Variants in MICU1 observed in about 807,000 individuals in gnomAD.
The protein encoded by MICU1 is calcium uptake protein 1, mitochondrial.
Under a neutral mutation model 56.8 loss-of-function variants are expected in MICU1, and 45 were observed. That is an observed-to-expected ratio of 0.79 (90% CI 0.62 to 1.02). The LOEUF (loss-of-function observed/expected upper bound fraction) is 1.02. MICU1 is among the 50% of genes least tolerant of loss of function. MICU1 has a pLI of 0.00. For missense variants in MICU1, 504 were observed against 587.1 expected, an observed-to-expected ratio of 0.86 and a Z score of 1.46; for synonymous variants, 186 against 195.1, an observed-to-expected ratio of 0.95 and a Z score of 0.39.
intron 8 of MICU1, among the ~76,000 whole-genome samples, chr10:72,473,730 G>A (rs953241809): frequency 3.3e-5 from 5 of 152,180 alleles, no homozygotes; most frequent in South Asian, 2.1e-4. Flanking sequence ...ATTTGTTCCC[G>A]CTCATCAGTG....
chr10:72,550,319 G>A lies in MICU1; in HGVS notation c.493+860C>T, dbSNP rs116023665. Reference sequence around the variant, plus strand: ...CAGTAACATGCCATACAGGTTTATAGTCTAGGAACAATAGGCTATACTATA... The same window carrying A: ...CAGTAACATGCCATACAGGTTTATAATCTAGGAACAATAGGCTATACTATA... On this transcript the variant is annotated intron_variant, in intron 4 of 11. Transcript: ENST00000361114. Among the ~76,000 whole-genome samples, 398 of 152,222 alleles carry A rather than the reference G, an allele frequency of 2.6e-3. 2 individuals carry two copies. The highest frequency in any genetic ancestry group is 9.0e-3 in the African/African-American group (375 of 41,518).
intron 10 of MICU1, among the ~76,000 whole-genome samples, 169 bp from the exon 11 acceptor site, chr10:72,376,041 A>G (rs1862508016): frequency 1.3e-5 from 2 of 152,218 alleles, no homozygotes; most frequent in Admixed American, 1.3e-4. Context: ...CTGTAATTCC[A>G]GCACTTTGGG....
At chr10:72,377,037 C>T (rs1318844153) in intron 10 of MICU1, among the ~76,000 whole-genome samples, 1 of 152,126 alleles carries the variant, frequency 6.6e-6, no homozygotes, top group Non-Finnish European at 1.5e-5. Context: ...TGTCCCTCCT[C>T]CCTACTGGTT....
chr10:72,520,507 T>C (rs1358698385), intron 5 of MICU1, among the ~76,000 whole-genome samples: 1 of 152,140 alleles, frequency 6.6e-6, no homozygotes, highest in Non-Finnish European at 1.5e-5. Flanking sequence ...AAAGGTAATA[T>C]CGCATTTGAG....
intron 10 of MICU1, among the ~76,000 whole-genome samples, chr10:72,406,251 T>C (rs757929861): frequency 2.2e-4 from 34 of 152,042 alleles, no homozygotes; most frequent in Non-Finnish European, 3.4e-4. Flanking sequence ...AACCATAAAA[T>C]ACTTAAGCAC....
rs1554867912 is a variant in MICU1 at position 72,431,094 on chromosome 10, G to GTCTGTCTATCTATCTA, written c.934-7724_934-7723insTAGATAGATAGACAGA. On this transcript the variant is annotated intron_variant, in intron 8 of 11. Transcript: ENST00000361114. ...GCTTTGAATATACCTTTATCTGTCTGTCTATCTATCTATCTATCTATCTAT... is the reference window on the plus strand; with the variant it reads ...GCTTTGAATATACCTTTATCTGTCTGTCTGTCTATCTATCTATCTATCTATCTATCTATCTATCTAT... Among the ~76,000 whole-genome samples, 1,257 of 141,408 alleles carry GTCTGTCTATCTATCTA rather than the reference G, an allele frequency of 8.9e-3. 9 individuals are homozygous for GTCTGTCTATCTATCTA. The highest frequency in any genetic ancestry group is 0.033 in the East Asian group (158 of 4,808). The allele number at this position is 141,408 out of a possible 152,430, so 92.8% of individuals were successfully genotyped here.
chr10:72,431,094 G>GTCTGTCTGTCTA (rs1554867912), intron 8 of MICU1, among the ~76,000 whole-genome samples: 51 of 141,428 alleles, frequency 3.6e-4, no homozygotes, highest in South Asian at 1.2e-3. Flanking sequence ...TTATCTGTCT[G>GTCTGTCTGTCTA]TCTATCTATC....
intron 1 of MICU1, among the ~76,000 whole-genome samples, chr10:72,572,011 G>A (rs1206541313): frequency 6.3e-5 from 9 of 143,658 alleles, no homozygotes; most frequent in African/African-American, 2.6e-4. Flanking sequence ...AGGTACTATG[G>A]TAAAAAAAAA....
At chr10:72,424,216 G>A (rs549987816) in intron 8 of MICU1, among the ~76,000 whole-genome samples, 5 of 151,744 alleles carry the variant, frequency 3.3e-5, no homozygotes, top group East Asian at 1.9e-4. Context: ...AGGTTCAAGC[G>A]ATTCTCCTGT....
intron 5 of MICU1, among the ~76,000 whole-genome samples, chr10:72,512,412 A>G (rs1424839338): frequency 1.3e-5 from 2 of 152,008 alleles, no homozygotes; most frequent in African/African-American, 2.4e-5. Context: ...TGGCCCCCAT[A>G]CACAGCTCCT....
At chr10:72,375,962 C>T (rs1026955291) in intron 10 of MICU1, 90 bp from the exon 11 acceptor site, 2 of 1,196,656 alleles carry the variant, frequency 1.7e-6, no homozygotes, top group African/African-American at 3.1e-5. Context: ...AGTCATAATA[C>T]AAGTTTTCAA....
intron 10 of MICU1, among the ~76,000 whole-genome samples, chr10:72,383,561 C>T (rs1862790295): frequency 1.3e-5 from 2 of 152,244 alleles, no homozygotes; most frequent in South Asian, 2.1e-4. Context: ...CATAGTATTC[C>T]ACTGACAGGA....
At chr10:72,612,257 TAG>T (rs755631812) in intron 1 of MICU1, among the ~76,000 whole-genome samples, 29 of 148,224 alleles carry the variant, frequency 2.0e-4, no homozygotes, top group African/African-American at 6.3e-4. Context: ...ACAATAACAC[TAG>T]AGTCTGCCAT....
At chr10:72,535,003 A>ATATTTTATT (rs1564923265) in intron 4 of MICU1, among the ~76,000 whole-genome samples, 1 of 45,844 alleles carries the variant, frequency 2.2e-5, no homozygotes, top group African/African-American at 7.5e-5. Context: ...ATCTCCCTCT[A>ATATTTTATT]TTTTTTATTT....
intron 5 of MICU1, 38 bp from the exon 6 acceptor site, chr10:72,508,307 T>C: frequency 1.2e-6 from 1 of 833,468 alleles, no homozygotes; most frequent in Admixed American, 2.4e-5. Context: ...GACAAAAATA[T>C]ATAAGTGAAT....
chr10:72,394,582 C>T (rs1353309563), intron 10 of MICU1, among the ~76,000 whole-genome samples: 1 of 150,992 alleles, frequency 6.6e-6, no homozygotes, highest in Non-Finnish European at 1.5e-5. Context: ...GCTGAGATCA[C>T]ATCACTGCAC....
intron 10 of MICU1, among the ~76,000 whole-genome samples, chr10:72,395,298 A>T (rs1863212014): frequency 6.6e-6 from 1 of 152,136 alleles, no homozygotes; most frequent in Admixed American, 6.5e-5. Flanking sequence ...AAAAATACAA[A>T]AATTGAGAGG....
At chr10:72,611,227 C>T (rs1410612862) in intron 1 of MICU1, among the ~76,000 whole-genome samples, 1 of 151,452 alleles carries the variant, frequency 6.6e-6, no homozygotes, top group East Asian at 1.9e-4. Context: ...GGCGGGAACC[C>T]GAGAGGCGGA....
intron 3 of MICU1, among the ~76,000 whole-genome samples, chr10:72,557,328 C>T (rs935806722): frequency 2.6e-5 from 4 of 152,156 alleles, no homozygotes; most frequent in Admixed American, 6.6e-5. Context: ...AGTTCATCAC[C>T]ATTCCAGCTC....
Sources: gnomAD v4.1 joint callset for allele counts (sites outside exome capture counted in the v4.1 genomes callset) on GRCh38, gnomAD v4.1.1 for gene constraint, MANE v1.5 for transcripts, NCBI Gene and HGNC (gene_info 2026-07-23, HGNC 2026-07-21) for gene names.